MS4A13: variants seen among roughly 807,000 people sequenced by gnomAD.
MS4A13 encodes membrane spanning 4-domains A13, also known as membrane-spanning 4-domains subfamily A member 13.
MS4A13 carries 21 observed loss-of-function variants against 18.4 expected under a neutral mutation model. That is an observed-to-expected ratio of 1.14 (90% CI 0.81 to 1.64). MS4A13 has a LOEUF of 1.64. Among genes scored for constraint, MS4A13 ranks in the 40% most tolerant of loss-of-function variants. The probability of loss-of-function intolerance (pLI) is 0.00; values close to 1 mark genes in which losing one functional copy is unlikely to be tolerated. For missense variants in MS4A13, 173 were observed against 176.8 expected (o/e 0.98, Z 0.12); for synonymous variants, 62 against 57.2 (o/e 1.08, Z -0.38).
At chr11:60,526,057 T>C (rs1339592751) in intron 5 of MS4A13, among the ~76,000 whole-genome samples, 2 of 151,946 alleles carry the variant, frequency 1.3e-5, no homozygotes, top group Admixed American at 6.6e-5. Flanking sequence ...TCATTACAGG[T>C]GAAGGATAAA....
intron 5 of MS4A13, among the ~76,000 whole-genome samples, chr11:60,526,795 G>A (rs2086716384): frequency 6.6e-6 from 1 of 152,176 alleles, no homozygotes; most frequent in Admixed American, 6.5e-5. Context: ...GCATGCATCT[G>A]AAATATACTC....
In MS4A13 at chr11:60,529,417, T is replaced by C. The variant is rs771708657; in HGVS notation, c.359T>C (p.Phe120Ser). 7 of 1,610,634 alleles carry C rather than the reference T, an allele frequency of 4.3e-6. No homozygotes were observed. The East Asian group carries it at 1.6e-4, about 36-fold the overall frequency. The change falls in exon 6 of 7, where the codon TTT (phenylalanine) becomes TCT (serine). Residue 120 changes from phenylalanine to serine, a missense_variant. By Grantham distance (155) the Phe-to-Ser change is radical. Coordinates refer to ENST00000378186, the MANE Select transcript of MS4A13 (RefSeq NM_001012417.3). Reference protein sequence around the residue: ...RILLFFYGLEFSIALTHSIYS... With the variant: ...RILLFFYGLESSIALTHSIYS... ...TTACTGTTCTTCTACGGTTTGGAATTTTCTATTGCACTTACACACTCAATA... is the reference window on the plus strand; with the variant it reads ...TTACTGTTCTTCTACGGTTTGGAATCTTCTATTGCACTTACACACTCAATA...
chr11:60,529,174 G>T (rs1005112487), intron 5 of MS4A13, among the ~76,000 whole-genome samples, 191 bp from the exon 6 acceptor site: 2 of 151,840 alleles, frequency 1.3e-5, no homozygotes, highest in African/African-American at 2.4e-5. Flanking sequence ...GAAAGCTAGG[G>T]AAAGTGTAGC....
At chr11:60,524,331 T>C (rs1052357886) in intron 4 of MS4A13, among the ~76,000 whole-genome samples, 4 of 152,220 alleles carry the variant, frequency 2.6e-5, no homozygotes, top group Non-Finnish European at 5.9e-5. Flanking sequence ...GATTGTGTCC[T>C]GTAACAAAGT....
chr11:60,522,240 ATG>A (rs55836264), intron 3 of MS4A13, among the ~76,000 whole-genome samples: 2 of 20,296 alleles, frequency 9.9e-5, no homozygotes, highest in Non-Finnish European at 1.4e-4. Flanking sequence ...AGATAGATAG[ATG>A]TATATATATA....
At chr11:60,520,768 C>G (rs1278566050) in intron 3 of MS4A13, among the ~76,000 whole-genome samples, 1 of 152,210 alleles carries the variant, frequency 6.6e-6, no homozygotes, top group Non-Finnish European at 1.5e-5. Context: ...ATTCTGGGGT[C>G]TGGAGGATGG....
intron 6 of MS4A13, among the ~76,000 whole-genome samples, chr11:60,532,443 C>T (rs1054213004): frequency 2.0e-5 from 3 of 152,164 alleles, no homozygotes; most frequent in South Asian, 2.1e-4. Context: ...CACTCCCACC[C>T]GAATATTGCG....
At chr11:60,531,648 T>C (rs1396349911) in intron 6 of MS4A13, among the ~76,000 whole-genome samples, 1 of 152,222 alleles carries the variant, frequency 6.6e-6, no homozygotes, top group East Asian at 1.9e-4. Flanking sequence ...CTTATTTTCT[T>C]ACAATTCCAG....
chr11:60,522,118 C>G (rs1047142851), intron 3 of MS4A13, among the ~76,000 whole-genome samples: 3 of 151,826 alleles, frequency 2.0e-5, no homozygotes, highest in Non-Finnish European at 4.4e-5. Context: ...GGGTCCCGCC[C>G]ACAACACATG....
chr11:60,533,534 A>C (rs1196593894), intron 6 of MS4A13, among the ~76,000 whole-genome samples: 2 of 120,614 alleles, frequency 1.7e-5, no homozygotes, highest in Admixed American at 1.9e-4. Flanking sequence ...AAAAGACCAA[A>C]TCTACGTCTG....
At chr11:60,541,170 T>A (rs1015812013) in intron 6 of MS4A13, among the ~76,000 whole-genome samples, 1 of 152,210 alleles carries the variant, frequency 6.6e-6, no homozygotes, top group Non-Finnish European at 1.5e-5. Context: ...AAACTCCTAG[T>A]TGAAATATAA....
chr11:60,538,333 C>T (rs1481231631), intron 6 of MS4A13, among the ~76,000 whole-genome samples: 1 of 151,494 alleles, frequency 6.6e-6, no homozygotes, highest in Admixed American at 6.6e-5. Flanking sequence ...GAGGAGTAAG[C>T]TTTAGGGATC....
chr11:60,524,071 T>C, intron 4 of MS4A13, 118 bp downstream of exon 4: 2 of 606,826 alleles, frequency 3.3e-6, no homozygotes, highest in East Asian at 5.6e-5. Context: ...GTAAAGTAAA[T>C]GAAAGAATTA....
intron 5 of MS4A13, among the ~76,000 whole-genome samples, chr11:60,525,812 C>T (rs1318378073): frequency 6.6e-6 from 1 of 151,930 alleles, no homozygotes; most frequent in East Asian, 1.9e-4. Context: ...TATAAATAAA[C>T]CTAACTTGTT....
At chr11:60,526,152 G>A (rs1007828448) in intron 5 of MS4A13, among the ~76,000 whole-genome samples, 1 of 152,062 alleles carries the variant, frequency 6.6e-6, no homozygotes, top group African/African-American at 2.4e-5. Flanking sequence ...CCCAAACCTG[G>A]AGAACAAAAC....
chr11:60,536,471 A>C lies in MS4A13; in HGVS notation c.403-6048A>C, dbSNP rs2086809535. Among the ~76,000 whole-genome samples, 8 of 43,162 alleles carry C rather than the reference A, an allele frequency of 1.9e-4. No homozygotes were observed. The South Asian group carries it at 0.01, about 56-fold the overall frequency. The allele number at this position is 43,162 out of a possible 152,430, so 28.3% of individuals were successfully genotyped here. ...TACCTAGGAATCCAACTTACAAGGG[A>C]TGTGAAGGACCTCTTCAAGGAGAAC... On this transcript the variant is annotated intron_variant, in intron 6 of 6. Coordinates refer to ENST00000378186, the MANE Select transcript of MS4A13 (RefSeq NM_001012417.3).
intron 6 of MS4A13, among the ~76,000 whole-genome samples, chr11:60,541,708 A>C (rs1318158173): frequency 6.6e-6 from 1 of 152,206 alleles, no homozygotes; most frequent in Non-Finnish European, 1.5e-5. Flanking sequence ...GGGTGCTGGC[A>C]TCTATTAAGA....
Position 60,516,918 on chromosome 11 carries a change from A to C in MS4A13, c.-13+834A>C, listed in dbSNP as rs1011981090. Among the ~76,000 whole-genome samples the C allele has an allele frequency of 3.3e-5, 5 of 151,876 alleles. No individual in the cohort carries two copies. In the East Asian group the frequency reaches 9.7e-4, roughly 29 times the overall value. ...GTTGGGAAAGTCACATGGAATCACT[A>C]TTCTTGACACCAGTATGCTTATATA... is the stretch of plus-strand genomic sequence containing the variant. On this transcript the variant is annotated intron_variant, in intron 2 of 6. Coordinates refer to ENST00000378186, the MANE Select transcript of MS4A13 (RefSeq NM_001012417.3).
In MS4A13 at chr11:60,540,782, A is replaced by C. The variant is rs1008642224; in HGVS notation, c.403-1737A>C. ...GGCAACATGACGAGACCTCATCTCT[A>C]CAAAAAAGTAAAAATAAAAACACTA... On this transcript the variant is annotated intron_variant, in intron 6 of 6. Transcript: ENST00000378186. Among the ~76,000 whole-genome samples the C allele has an allele frequency of 6.6e-5, 10 of 152,194 alleles. No homozygotes were observed. In the East Asian group the frequency reaches 1.7e-3, roughly 26 times the overall value.
Sources: gnomAD v4.1 joint callset for allele counts (sites outside exome capture counted in the v4.1 genomes callset) on GRCh38, gnomAD v4.1.1 for gene constraint, MANE v1.5 for transcripts, NCBI Gene and HGNC (gene_info 2026-07-23, HGNC 2026-07-21) for gene names.